Variants in ADCK1 observed in about 807,000 individuals in gnomAD.
ADCK1 encodes the protein aarF domain containing kinase 1, also known as aarF domain-containing protein kinase 1.
ADCK1 carries 41 observed loss-of-function variants against 52.3 expected under a neutral mutation model. The ratio of observed to expected loss-of-function variants is 0.78; its 90% confidence interval spans 0.61 to 1.02. ADCK1 has a LOEUF of 1.02. Ranked by LOEUF, ADCK1 falls within the 50% of genes least tolerant of loss-of-function variation. ADCK1 has a pLI of 0.00. For missense variants in ADCK1, 658 were observed against 679.5 expected (o/e 0.97, Z 0.35); for synonymous variants, 250 against 274.6 (o/e 0.91, Z 0.89).
rs572395163 is a variant in ADCK1 at position 77,814,279 on chromosome 14, A to G, written c.-11-4689A>G. On this transcript the variant is annotated intron_variant, in intron 1 of 10. Coordinates refer to ENST00000238561, the MANE Select transcript of ADCK1 (RefSeq NM_020421.4). Reference sequence around the variant, plus strand: ...TTTTTTGTAGCGATGGGGTTTCGCTATGTTGCCTAGGCTGGTCTTGAACTT... The same window carrying G: ...TTTTTTGTAGCGATGGGGTTTCGCTGTGTTGCCTAGGCTGGTCTTGAACTT... Among the ~76,000 whole-genome samples, 5 of 151,454 alleles carry G rather than the reference A, an allele frequency of 3.3e-5. No individual in the cohort carries two copies. In the South Asian group the frequency reaches 6.3e-4, roughly 19 times the overall value.
At chr14:77,912,366 A>T (rs1220579709) in intron 7 of ADCK1, among the ~76,000 whole-genome samples, 1 of 152,040 alleles carries the variant, frequency 6.6e-6, no homozygotes, top group Non-Finnish European at 1.5e-5. Context: ...CTTACTCTGA[A>T]TAAATTAATC....
At chr14:77,820,441 G>A (rs1265436522) in intron 2 of ADCK1, among the ~76,000 whole-genome samples, 2 of 151,522 alleles carry the variant, frequency 1.3e-5, no homozygotes, top group Non-Finnish European at 2.9e-5. Flanking sequence ...AGAGATCCTC[G>A]TGCCTCAGAT....
intron 3 of ADCK1, among the ~76,000 whole-genome samples, chr14:77,855,306 C>T (rs887745713): frequency 2.6e-5 from 4 of 152,206 alleles, no homozygotes; most frequent in African/African-American, 9.6e-5. Flanking sequence ...AATGGATACC[C>T]CATGTAATCT....
chr14:77,869,548 G>A (rs1156443794), intron 4 of ADCK1, among the ~76,000 whole-genome samples: 1 of 152,072 alleles, frequency 6.6e-6, no homozygotes, highest in Non-Finnish European at 1.5e-5. Context: ...TCCAAATAAG[G>A]TCACATTCTA....
At chr14:77,910,772 G>C (rs989780869) in intron 7 of ADCK1, among the ~76,000 whole-genome samples, 13 of 152,240 alleles carry the variant, frequency 8.5e-5, no homozygotes, top group African/African-American at 2.7e-4. Flanking sequence ...CTGGCCGGAG[G>C]GGGCAGCTAG....
intron 4 of ADCK1, among the ~76,000 whole-genome samples, chr14:77,872,688 T>TC (rs1224647152): frequency 6.6e-6 from 1 of 151,516 alleles, no homozygotes. Flanking sequence ...TTTTTTTTTT[T>TC]TTTGAGATGG....
chr14:77,902,819 G>A (rs1301096523), intron 6 of ADCK1: 1 of 152,264 alleles, frequency 6.6e-6, no homozygotes, highest in Non-Finnish European at 1.5e-5. Flanking sequence ...AGGAGCTGCT[G>A]CATTGAACAG....
At chr14:77,848,982 C>A (rs1186514895) in intron 3 of ADCK1, among the ~76,000 whole-genome samples, 1 of 152,050 alleles carries the variant, frequency 6.6e-6, no homozygotes, top group South Asian at 2.1e-4. Flanking sequence ...CCCGCTACCA[C>A]GCCCAGCTAA....
chr14:77,883,548 T>G (rs1417749871), intron 4 of ADCK1, among the ~76,000 whole-genome samples: 1 of 152,172 alleles, frequency 6.6e-6, no homozygotes, highest in African/African-American at 2.4e-5. Flanking sequence ...CACCAATCTT[T>G]AATTACCTTT....
intron 3 of ADCK1, among the ~76,000 whole-genome samples, chr14:77,854,799 T>G (rs1429050993): frequency 6.6e-6 from 1 of 152,148 alleles, no homozygotes; most frequent in Non-Finnish European, 1.5e-5. Flanking sequence ...CCTCAGGTGA[T>G]CCACCTGCAT....
At chr14:77,809,999 A>G (rs938629738) in intron 1 of ADCK1, among the ~76,000 whole-genome samples, 3 of 145,482 alleles carry the variant, frequency 2.1e-5, no homozygotes, top group African/African-American at 7.6e-5. Flanking sequence ...GATCATACCA[A>G]TGGACTCCAG....
chr14:77,836,351 A>G (rs933006284), intron 3 of ADCK1, among the ~76,000 whole-genome samples: 3 of 152,250 alleles, frequency 2.0e-5, no homozygotes, highest in East Asian at 3.8e-4. Context: ...ATGGATGAAG[A>G]TGGCTTCTGC....
At chr14:77,805,181 G>A (rs1220742181) in intron 1 of ADCK1, among the ~76,000 whole-genome samples, 1 of 146,718 alleles carries the variant, frequency 6.8e-6, no homozygotes, top group Non-Finnish European at 1.5e-5. Flanking sequence ...ACTCCAGCCT[G>A]GGCAACAAGA....
rs1466704841 is a variant in ADCK1 at position 77,934,918 on chromosome 14, A to G, written c.*1527A>G. 3 of 152,340 alleles carry G rather than the reference A, an allele frequency of 2.0e-5. No homozygotes were observed. Among genetic ancestry groups the G allele is most frequent in the South Asian group, 2.1e-4 (1 of 4,830 alleles). The allele number at this position is 152,340 out of a possible 1,614,324, so 9.4% of individuals were successfully genotyped here. A position where few individuals can be genotyped will look rare whatever the true frequency, so the allele number is the denominator to read the frequency against. On this transcript the variant is annotated 3_prime_UTR_variant, in exon 11 of 11. Transcript: ENST00000238561. The stretch of plus-strand genomic sequence containing the variant: ...CAGGGACCTGAGAGTATAATTTGCA[A>G]TATCTGATTATTAATCTTGAGGATG...
chr14:77,874,119 C>G lies in ADCK1; in HGVS notation c.424-12972C>G, dbSNP rs183218220. Among the ~76,000 whole-genome samples, 19 of 152,302 alleles carry G rather than the reference C, an allele frequency of 1.2e-4. No individual in the cohort carries two copies. The East Asian group carries it at 3.3e-3, about 26-fold the overall frequency. ...CATCCCCGTACTCTTACTGAGAGTG[C>G]AGAACTCTTTCCACAGTGGTACAAA... On this transcript the variant is annotated intron_variant, in intron 4 of 10. Transcript: ENST00000238561.
chr14:77,819,428 A>G (rs2081535266), intron 2 of ADCK1, among the ~76,000 whole-genome samples: 1 of 152,166 alleles, frequency 6.6e-6, no homozygotes, highest in African/African-American at 2.4e-5. Context: ...TCTTATTTTA[A>G]CAACACACCA....
intron 3 of ADCK1, among the ~76,000 whole-genome samples, chr14:77,837,460 T>C (rs1415926973): frequency 6.6e-6 from 1 of 152,204 alleles, no homozygotes; most frequent in Non-Finnish European, 1.5e-5. Flanking sequence ...TTCTTAATTA[T>C]ATCTGCAAAG....
intron 5 of ADCK1, among the ~76,000 whole-genome samples, chr14:77,892,627 A>C (rs1595035723): frequency 6.9e-6 from 1 of 145,384 alleles, no homozygotes; most frequent in African/African-American, 2.6e-5. Flanking sequence ...ACATCCTCAT[A>C]TTCTTTATCA....
rs149269370 is a variant in ADCK1 at position 77,907,729 on chromosome 14, C to T, written c.742-74C>T. 4.4e-4 allele frequency: 500 copies of T among 1,140,264 alleles called. 3 individuals are homozygous for T. In the East Asian group the frequency reaches 0.011, roughly 25 times the overall value. 70.6% of individuals were successfully genotyped at this position (1,140,264 alleles called of 1,614,324 possible). A position where few individuals can be genotyped will look rare whatever the true frequency, so the allele number is the denominator to read the frequency against. On this transcript the variant is annotated intron_variant, in intron 6 of 10. Transcript: ENST00000238561. ...GAGGAGCCTCTGTTGCTGTCTGGCT[C>T]GCTGTGCCACATTGTCATCCTTGCC...
Sources: gnomAD v4.1 joint callset for allele counts (sites outside exome capture counted in the v4.1 genomes callset) on GRCh38, gnomAD v4.1.1 for gene constraint, MANE v1.5 for transcripts, NCBI Gene and HGNC (gene_info 2026-07-23, HGNC 2026-07-21) for gene names.